NDUFB6: variants seen among roughly 807,000 people sequenced by gnomAD.
The protein encoded by NDUFB6 is NADH dehydrogenase [ubiquinone] 1 beta subcomplex subunit 6.
Under a neutral mutation model 17.5 loss-of-function variants are expected in NDUFB6, and 23 were observed. The observed-to-expected ratio is 1.31, with a 90% confidence interval of 0.94 to 1.86. The LOEUF (loss-of-function observed/expected upper bound fraction) is 1.86. NDUFB6 is among the 40% of genes most tolerant of loss of function. The probability of loss-of-function intolerance (pLI) is 0.00; values close to 1 mark genes in which losing one functional copy is unlikely to be tolerated. For missense variants in NDUFB6, 167 were observed against 153.8 expected, an observed-to-expected ratio of 1.09 and a Z score of -0.46; for synonymous variants, 60 against 53.5, an observed-to-expected ratio of 1.12 and a Z score of -0.53.
chr9:32,569,816 C>G (rs965408855), intron 2 of NDUFB6, among the ~76,000 whole-genome samples: 6 of 151,778 alleles, frequency 4.0e-5, no homozygotes, highest in African/African-American at 7.3e-5. Flanking sequence ...ACACATGGCC[C>G]AGCAATAAAG....
At chr9:32,566,130 G>T in intron 2 of NDUFB6, 1 of 599,850 alleles carries the variant, frequency 1.7e-6, no homozygotes, top group East Asian at 2.6e-5. Flanking sequence ...ACAAAGACGA[G>T]AATATGGTGT....
chr9:32,566,828 C>A (rs1821806656), intron 2 of NDUFB6: 3 of 891,004 alleles, frequency 3.4e-6, no homozygotes, highest in Non-Finnish European at 5.4e-6. Flanking sequence ...TCTGTGGGGG[C>A]CTGCTCATCA....
chr9:32,562,151 A>G (rs577376199), intron 2 of NDUFB6, among the ~76,000 whole-genome samples: 4 of 152,280 alleles, frequency 2.6e-5, no homozygotes, highest in Admixed American at 1.3e-4. Flanking sequence ...TACTGACTCC[A>G]TATGTTTGCT....
intron 2 of NDUFB6, chr9:32,566,517 G>A: frequency 1.3e-6 from 1 of 771,202 alleles, no homozygotes; most frequent in Non-Finnish European, 2.4e-6. Flanking sequence ...TGCAGAGACG[G>A]CTGCCACCCT....
At chr9:32,571,258 G>A (rs1012388195) in intron 1 of NDUFB6, among the ~76,000 whole-genome samples, 1 of 151,580 alleles carries the variant, frequency 6.6e-6, no homozygotes, top group African/African-American at 2.4e-5. Context: ...ACAAAGTCCA[G>A]ACCAAAATGC....
intron 2 of NDUFB6, among the ~76,000 whole-genome samples, chr9:32,564,894 G>A (rs758634909): frequency 2.6e-4 from 39 of 152,090 alleles, no homozygotes; most frequent in Non-Finnish European, 4.7e-4. Context: ...ATTAACGATC[G>A]CTCACCATTT....
intron 2 of NDUFB6, chr9:32,566,549 G>T: frequency 1.3e-6 from 1 of 773,988 alleles, no homozygotes; most frequent in Admixed American, 1.8e-5. Flanking sequence ...TTGTATAGCT[G>T]CCGTCGTACT....
intron 3 of NDUFB6, among the ~76,000 whole-genome samples, chr9:32,556,393 C>T (rs1034466467): frequency 6.6e-6 from 1 of 152,224 alleles, no homozygotes; most frequent in Admixed American, 6.5e-5. Flanking sequence ...ATCTTGGAAC[C>T]TCATATTCGA....
chr9:32,556,846 CTTTTTTT>C (rs10703297), intron 3 of NDUFB6, among the ~76,000 whole-genome samples: 15 of 82,384 alleles, frequency 1.8e-4, no homozygotes, highest in East Asian at 1.4e-3. Context: ...AAATCCCCTA[CTTTTTTT>C]TTTTTTTTTT....
chr9:32,571,138 G>T, intron 1 of NDUFB6, 86 bp from the exon 2 acceptor site: 1 of 871,910 alleles, frequency 1.1e-6, no homozygotes, highest in Non-Finnish European at 1.8e-6. Context: ...ATGTAACAAT[G>T]CCATGACTAT....
chr9:32,572,690 T>A (rs574448666), intron 1 of NDUFB6, among the ~76,000 whole-genome samples, 191 bp downstream of exon 1: 1 of 152,208 alleles, frequency 6.6e-6, no homozygotes, highest in East Asian at 1.9e-4. Context: ...AAGGCATGAT[T>A]CTCTCAAAGC....
intron 1 of NDUFB6, 90 bp from the exon 2 acceptor site, chr9:32,571,142 T>C: frequency 1.2e-6 from 1 of 858,140 alleles, no homozygotes; most frequent in Non-Finnish European, 1.8e-6. Context: ...AACAATGCCA[T>C]GACTATTTTA....
At position 32,556,905 on chromosome 9, in the gene NDUFB6, G is replaced by A. The variant is rs1821474136; in HGVS notation, c.318+2005C>T. Among the ~76,000 whole-genome samples the A allele has an allele frequency of 6.6e-5, 9 of 136,902 alleles. 1 individual carries two copies. In the South Asian group the frequency reaches 1.9e-3, roughly 29 times the overall value. The allele number at this position is 136,902 out of a possible 152,430, so 89.8% of individuals were successfully genotyped here. A position where few individuals can be genotyped will look rare whatever the true frequency, so the allele number is the denominator to read the frequency against. ...GGTGCTCTGTCGCTAAGGCTGGAGT[G>A]CAGTGGCGCAATCTTGGCTCACTGC... On this transcript the variant is annotated intron_variant, in intron 3 of 3. Coordinates refer to ENST00000379847, the MANE Select transcript of NDUFB6 (RefSeq NM_002493.5).
chr9:32,560,634 C>T (rs897539167), intron 2 of NDUFB6, among the ~76,000 whole-genome samples: 1 of 152,140 alleles, frequency 6.6e-6, no homozygotes, highest in Non-Finnish European at 1.5e-5. Context: ...AAAATTACTT[C>T]TTAGAATCAT....
intron 2 of NDUFB6, among the ~76,000 whole-genome samples, chr9:32,563,461 TCAGCC>T (rs1429202473): frequency 1.4e-5 from 2 of 146,024 alleles, no homozygotes; most frequent in African/African-American, 5.1e-5. Context: ...TCCTCCTGCT[TCAGCC>T]TCCTGAACAG....
At chr9:32,555,309 A>C (rs1821426754) in intron 3 of NDUFB6, among the ~76,000 whole-genome samples, 1 of 152,214 alleles carries the variant, frequency 6.6e-6, no homozygotes, top group East Asian at 1.9e-4. Context: ...AGAATTCCTA[A>C]ACAATAAGTT....
At chr9:32,555,987 A>C (rs1821445320) in intron 3 of NDUFB6, among the ~76,000 whole-genome samples, 1 of 152,250 alleles carries the variant, frequency 6.6e-6, no homozygotes, top group Admixed American at 6.5e-5. Flanking sequence ...GGACAAGGAT[A>C]CAGTTAACTT....
rs1563999738 is a variant in NDUFB6, at chr9:32,573,055, C to G, written c.6G>C (p.Thr2=). ...GCAGTTTCTCATCCGGAGTGTACCC[C>G]GTCATGTCGCCGCTGGTACCAACGC... M[T]GYTPDEKLRL... Residue 2 remains threonine, a synonymous_variant, in exon 1 of 4, where the codon ACG becomes ACC. Coordinates refer to ENST00000379847, the MANE Select transcript of NDUFB6 (RefSeq NM_002493.5). 1.3e-6 allele frequency: 2 copies of G among 1,564,040 alleles called. No individual in the cohort carries two copies. The highest frequency in any genetic ancestry group is 1.4e-5 in the African/African-American group (1 of 72,696).
At chr9:32,566,245 T>G (rs942666134) in intron 2 of NDUFB6, 10 of 999,974 alleles carry the variant, frequency 1.0e-5, no homozygotes, top group Non-Finnish European at 1.6e-5. Context: ...GGTTTTCTTA[T>G]GGCAGACAAC....
Sources: gnomAD v4.1 joint callset for allele counts (sites outside exome capture counted in the v4.1 genomes callset) on GRCh38, gnomAD v4.1.1 for gene constraint, MANE v1.5 for transcripts, NCBI Gene and HGNC (gene_info 2026-07-23, HGNC 2026-07-21) for gene names.